The following SMARCB1 variants were observed in gnomAD, a reference collection of about 807,000 sequenced individuals.
The protein encoded by SMARCB1 is SWI/SNF related BAF chromatin remodeling complex subunit B1.
A neutral mutation model predicts 49.0 loss-of-function variants in SMARCB1; 5 were observed. The observed-to-expected ratio is 0.10, with a 90% CI of 0.05 to 0.21. The LOEUF (loss-of-function observed/expected upper bound fraction) is 0.21, where lower values mean the gene tolerates loss of function less well. Among genes scored for constraint, SMARCB1 ranks in the 10% least tolerant of loss-of-function variants. SMARCB1 has a pLI of 1.00. For synonymous variants in SMARCB1, 201 were observed against 200.1 expected (o/e 1.00, Z -0.04); for missense variants, 226 against 509.2 (o/e 0.44, Z 5.35).
At chr22:23,820,050 G>A (rs1216291262) in intron 6 of SMARCB1, among the ~76,000 whole-genome samples, 2 of 151,866 alleles carry the variant, frequency 1.3e-5, no homozygotes, top group African/African-American at 4.8e-5. Context: ...GGCTGGTCTC[G>A]AACTCCCGAC....
intron 5 of SMARCB1, among the ~76,000 whole-genome samples, chr22:23,814,682 C>CA (rs1930078444): frequency 6.9e-6 from 1 of 145,048 alleles, no homozygotes; most frequent in South Asian, 2.2e-4. Context: ...GCAACAACAA[C>CA]AAAAAAGGCT....
intron 1 of SMARCB1, among the ~76,000 whole-genome samples, chr22:23,789,951 T>C (rs1364209900): frequency 6.6e-6 from 1 of 152,014 alleles, no homozygotes; most frequent in African/African-American, 2.4e-5. Context: ...TTACTAAGAG[T>C]GTGTGTCACT....
chr22:23,791,929 A>G (rs1928407142), intron 2 of SMARCB1, 35 bp downstream of exon 2: 1 of 1,609,964 alleles, frequency 6.2e-7, no homozygotes, highest in Non-Finnish European at 8.5e-7. Flanking sequence ...ACCTGTTTCA[A>G]AACCACTCGC....
rs200930637 is a variant in SMARCB1, at chr22:23,787,353, ATCGGGGCGGGCGGGCGCGCGCGCGCGCGC to A, written c.93+99_93+127del. The A allele has an allele frequency of 0.013, 9,074 of 673,660 alleles. 779 individuals carry two copies. The African/African-American group carries it at 0.2, about 15-fold the overall frequency. 41.7% of individuals were successfully genotyped at this position (673,660 alleles called of 1,614,324 possible). On this transcript the variant is annotated intron_variant, in intron 1 of 8. Coordinates refer to ENST00000644036, the MANE Select transcript of SMARCB1 (RefSeq NM_003073.5). ...GCGCCGAGAGCGCGCGTCTCCATTCATCGGGGCGGGCGGGCGCGCGCGCGCGCGCTCGGGGCTGTGGGGCGTGGCCTAGT... is the reference window on the plus strand; with the variant it reads ...GCGCCGAGAGCGCGCGTCTCCATTCATCGGGGCTGTGGGGCGTGGCCTAGT...
intron 6 of SMARCB1, among the ~76,000 whole-genome samples, chr22:23,820,178 G>C (rs2030007465): frequency 6.6e-6 from 1 of 151,086 alleles, no homozygotes; most frequent in Admixed American, 6.6e-5. Context: ...AGGGGTGTAG[G>C]TCTGTAGTTT....
intron 3 of SMARCB1, among the ~76,000 whole-genome samples, chr22:23,800,057 G>A (rs1929045992): frequency 6.6e-6 from 1 of 152,010 alleles, no homozygotes; most frequent in Non-Finnish European, 1.5e-5. Context: ...TTGATCTCCT[G>A]ACCTCAGGTG....
At chr22:23,787,368 C>T in intron 1 of SMARCB1, 106 bp downstream of exon 1, 1 of 146,816 alleles carries the variant, frequency 6.8e-6, no homozygotes, top group Non-Finnish European at 1.5e-5. Flanking sequence ...GGCGGGCGGG[C>T]GCGCGCGCGC....
chr22:23,812,624 A>G (rs978998350), intron 5 of SMARCB1, among the ~76,000 whole-genome samples: 1 of 152,226 alleles, frequency 6.6e-6, no homozygotes, highest in Non-Finnish European at 1.5e-5. Context: ...ATAATTATAT[A>G]CTGTGACCAA....
chr22:23,837,129 G>T lies in SMARCB1; in HGVS notation c.*2949G>T. On this transcript the variant is annotated 3_prime_UTR_variant, in exon 9 of 9. Coordinates refer to ENST00000644036, the MANE Select transcript of SMARCB1 (RefSeq NM_003073.5). ...GGTTGGGGAAGACGTCCTCCAGGAAGTAGTAGATATGGCCCACCGCAATCC... is the reference window on the plus strand; with the variant it reads ...GGTTGGGGAAGACGTCCTCCAGGAATTAGTAGATATGGCCCACCGCAATCC... The T allele has an allele frequency of 6.2e-7, 1 of 1,614,022 alleles. No individual in the cohort carries two copies. The highest frequency in any genetic ancestry group is 2.2e-5 in the East Asian group (1 of 44,874).
chr22:23,792,191 G>C (rs1050832046), intron 2 of SMARCB1: 27 of 416,080 alleles, frequency 6.5e-5, no homozygotes, highest in South Asian at 5.5e-4. Flanking sequence ...GGAATGCTGC[G>C]ATGCTCTGCC....
At position 23,837,169 on chromosome 22, in the gene SMARCB1, C is replaced by T. The variant is rs746897426; in HGVS notation, c.*2989C>T. 1.1e-5 allele frequency: 18 copies of T among 1,613,422 alleles called. No individual in the cohort carries two copies. Among genetic ancestry groups the T allele is most frequent in the Admixed American group, 6.7e-5 (4 of 59,948 alleles). On this transcript the variant is annotated 3_prime_UTR_variant, in exon 9 of 9. Transcript: ENST00000644036. ...CACCGCAATCCCTGTGAGACAGCCACGGACTGTGGGGTCACCCTCCACAGC... is the reference window on the plus strand; with the variant it reads ...CACCGCAATCCCTGTGAGACAGCCATGGACTGTGGGGTCACCCTCCACAGC...
Position 23,834,657 on chromosome 22 carries a change from TG to T in SMARCB1, c.*480del. 2.1e-6 allele frequency: 2 copies of T among 948,064 alleles called. No homozygotes were observed. Among genetic ancestry groups the T allele is most frequent in the Non-Finnish European group, 3.1e-6 (2 of 637,170 alleles). 58.7% of individuals were successfully genotyped at this position (948,064 alleles called of 1,614,324 possible). On this transcript the variant is annotated 3_prime_UTR_variant, in exon 9 of 9. Coordinates refer to ENST00000644036, the MANE Select transcript of SMARCB1 (RefSeq NM_003073.5). ...CCCTCCTCTGCCTCAGATTCCCAAG[TG>T]GGCAGGTGGGGGTGAATGGGGCTCC...
chr22:23,788,697 C>T (rs1050346415), intron 1 of SMARCB1, among the ~76,000 whole-genome samples: 14 of 152,152 alleles, frequency 9.2e-5, no homozygotes, highest in Admixed American at 6.5e-5. Flanking sequence ...TGAGCTACTG[C>T]ACTCACACTC....
Position 23,803,360 on chromosome 22 carries a change from T to C in SMARCB1, c.566T>C (p.Ile189Thr). 6.2e-7 allele frequency: 1 copy of C among 1,614,180 alleles called. No individual in the cohort carries two copies. The highest frequency in any genetic ancestry group is 8.5e-7 in the Non-Finnish European group (1 of 1,180,034). Residue 189 changes from isoleucine to threonine, a missense_variant, in exon 5 of 9, where the codon ATC (isoleucine) becomes ACC (threonine). By Grantham distance (89) the Ile-to-Thr change is moderately conservative. Transcript: ENST00000644036. ...NASQPEVLVPIRLDMEIDGQK... is the reference protein window; with the variant it reads ...NASQPEVLVPTRLDMEIDGQK... ...TCTCAGCCCGAGGTGCTGGTCCCCA[T>C]CCGGCTGGACATGGAGATCGATGGG...
intron 5 of SMARCB1, among the ~76,000 whole-genome samples, chr22:23,809,308 C>G (rs1434105701): frequency 2.1e-5 from 3 of 143,228 alleles, no homozygotes; most frequent in Non-Finnish European, 3.0e-5. Flanking sequence ...GGAGTTTCTG[C>G]TCTTGTTGCC....
Position 23,787,012 on chromosome 22 carries a change from C to A in SMARCB1, c.-158C>A. On this transcript the variant is annotated 5_prime_UTR_variant, in exon 1 of 9. Coordinates refer to ENST00000644036, the MANE Select transcript of SMARCB1 (RefSeq NM_003073.5). Reference sequence around the variant, plus strand: ...GCGGCCTGGTCGTCGTCTGCGGCGGCGGCGGCGGCTGAGGAGCCCGGCTGA... The same window carrying A: ...GCGGCCTGGTCGTCGTCTGCGGCGGAGGCGGCGGCTGAGGAGCCCGGCTGA... 4.0e-6 allele frequency: 2 copies of A among 504,970 alleles called. No homozygotes were observed. Among genetic ancestry groups the A allele is most frequent in the South Asian group, 5.3e-5 (2 of 37,888 alleles). 31.3% of individuals were successfully genotyped at this position (504,970 alleles called of 1,614,324 possible). A position where few individuals can be genotyped will look rare whatever the true frequency, so the allele number is the denominator to read the frequency against.
chr22:23,817,167 C>T (rs1193423623), intron 6 of SMARCB1: 2 of 594,930 alleles, frequency 3.4e-6, no homozygotes, highest in East Asian at 2.8e-5. Flanking sequence ...GTCTCTGAGG[C>T]ACTGCCAGGC....
intron 1 of SMARCB1, among the ~76,000 whole-genome samples, chr22:23,787,611 C>G (rs1928096020): frequency 6.6e-6 from 1 of 152,310 alleles, no homozygotes; most frequent in East Asian, 1.9e-4. Context: ...GCACTGCTGC[C>G]TTTGACCCTT....
Position 23,835,875 on chromosome 22 carries a change from C to T in SMARCB1, c.*1695C>T, listed in dbSNP as rs988021877. On this transcript the variant is annotated 3_prime_UTR_variant, in exon 9 of 9. Coordinates refer to ENST00000644036, the MANE Select transcript of SMARCB1 (RefSeq NM_003073.5). ...GGAAGGCTGGGCCCTCACTCCTGAC[C>T]GCCAGCTCACACCGCCGCAAAGCCA... The T allele has an allele frequency of 2.3e-5, 23 of 985,372 alleles. No individual in the cohort carries two copies. Among genetic ancestry groups the T allele is most frequent in the African/African-American group, 5.2e-5 (3 of 57,246 alleles). 61.0% of individuals were successfully genotyped at this position (985,372 alleles called of 1,614,324 possible). A position where few individuals can be genotyped will look rare whatever the true frequency, so the allele number is the denominator to read the frequency against.
Sources: allele counts gnomAD v4.1 joint callset (sites outside exome capture counted in the v4.1 genomes callset), GRCh38; gene constraint gnomAD v4.1.1; transcripts MANE v1.5; gene names NCBI Gene and HGNC (gene_info 2026-07-23, HGNC 2026-07-21).